Variants in CELSR1 observed in about 807,000 individuals in gnomAD.
CELSR1 encodes adhesion G protein-coupled receptor C1.
A neutral mutation model predicts 249.1 loss-of-function variants in CELSR1; 110 were observed. That is an observed-to-expected ratio of 0.44 (90% CI 0.38 to 0.52). The LOEUF (loss-of-function observed/expected upper bound fraction) is 0.52, where lower values mean the gene tolerates loss of function less well. Among genes scored for constraint, CELSR1 ranks in the 20% least tolerant of loss-of-function variants. The probability of loss-of-function intolerance (pLI) is 0.00; values close to 1 mark genes in which losing one functional copy is unlikely to be tolerated. For missense variants in CELSR1, 4,109 were observed against 4,296.4 expected (o/e 0.96, Z 1.22); for synonymous variants, 2,113 against 1,900.0 (o/e 1.11, Z -2.92).
In CELSR1 at chr22:46,536,176, G is replaced by A. The variant is rs2080853049; in HGVS notation, c.995C>T (p.Pro332Leu). Residue 332 changes from proline (P) to leucine (L), a missense_variant, in exon 1 of 35, where the codon CCG becomes CTG. Around this residue, in one of 7 missense-constraint regions of CELSR1, gnomAD observed 673 missense variants for 636.8 expected, o/e 1.06. Coordinates refer to ENST00000674500, the MANE Select transcript of CELSR1 (RefSeq NM_001378328.1). ...AGTGATGTAGGTGGTGGCCGAGCGC[G>A]GCGGCGTACTGTAGTCCACGGCTTT... ...RVKAVDYSTPPRSATTYITVL... is the reference protein window; with the variant it reads ...RVKAVDYSTPLRSATTYITVL... 6.2e-7 allele frequency: 1 copy of A among 1,612,854 alleles called. No homozygotes were observed. Among genetic ancestry groups the A allele is most frequent in the Non-Finnish European group, 8.5e-7 (1 of 1,180,002 alleles).
rs769047123 is a variant in CELSR1, at chr22:46,536,244, G to A, written c.927C>T (p.Ser309=). 1 of 1,612,180 alleles carries A rather than the reference G, an allele frequency of 6.2e-7. No homozygotes were observed. ...DSATGAVSTD[S]VLDRETKETH... ...TCTCCTTGGTCTCGCGGTCCAGTAC[G>A]CTGTCCGTGCTCACGGCGCCCGTGG... Residue 309 remains serine (S), a synonymous_variant, in exon 1 of 35, where the codon AGC becomes AGT. Coordinates refer to ENST00000674500, the MANE Select transcript of CELSR1 (RefSeq NM_001378328.1).
At position 46,535,295 on chromosome 22, in the gene CELSR1, G is replaced by A. The variant is rs1370354548; in HGVS notation, c.1876C>T (p.Pro626Ser). Residue 626 changes from proline (P) to serine (S), a missense_variant, in exon 1 of 35, where the codon CCT becomes TCT. Pro to Ser is a moderately conservative substitution (Grantham distance 74). Around this residue, in one of 7 missense-constraint regions of CELSR1, gnomAD observed 886 missense variants for 896.5 expected, o/e 0.99. Transcript: ENST00000674500. ...TTGTGGATCTGGAAGGGGAAGTCAG[G>A]GGTGGGGGCAGGATTCTTAGGCCCA... ...SAGPKNPAPTPDFPFQIHNSS... is the reference protein window; with the variant it reads ...SAGPKNPAPTSDFPFQIHNSS... 1 of 1,611,336 alleles carries A rather than the reference G, an allele frequency of 6.2e-7. No homozygotes were observed. The highest frequency in any genetic ancestry group is 8.5e-7 in the Non-Finnish European group (1 of 1,180,002).
At chr22:46,480,075 T>G (rs958743101) in intron 1 of CELSR1, among the ~76,000 whole-genome samples, 19 of 152,196 alleles carry the variant, frequency 1.2e-4, no homozygotes, top group Non-Finnish European at 2.5e-4. Context: ...AGCCAAATGC[T>G]CCTCTTCTAC....
chr22:46,520,964 GAATCATA>G (rs2080679170), intron 1 of CELSR1, among the ~76,000 whole-genome samples: 1 of 152,112 alleles, frequency 6.6e-6, no homozygotes, highest in Admixed American at 6.6e-5. Context: ...GACCTCAGTG[GAATCATA>G]CAGAATTTGT....
rs957015081 is a variant in CELSR1, at chr22:46,378,839, G to T, written c.7257-122C>A. Reference sequence around the variant, plus strand: ...CCATCCTGGCCAAACCAAACAGCAGGTGCCGTGAGTGCTGAAAGCCCAGCG... The same window carrying T: ...CCATCCTGGCCAAACCAAACAGCAGTTGCCGTGAGTGCTGAAAGCCCAGCG... On this transcript the variant is annotated intron_variant, in intron 22 of 34. Coordinates refer to ENST00000674500, the MANE Select transcript of CELSR1 (RefSeq NM_001378328.1). 1.7e-5 allele frequency: 21 copies of T among 1,262,518 alleles called. No individual in the cohort carries two copies. The East Asian group carries it at 4.8e-4, about 29-fold the overall frequency. 78.2% of individuals were successfully genotyped at this position (1,262,518 alleles called of 1,614,324 possible).
At chr22:46,499,255 C>A (rs571240247) in intron 1 of CELSR1, among the ~76,000 whole-genome samples, 71 of 151,610 alleles carry the variant, frequency 4.7e-4, no homozygotes, top group African/African-American at 1.7e-3. Context: ...TGCTAACCCC[C>A]ACACAGAAAC....
chr22:46,438,331 C>T (rs1331595098), intron 3 of CELSR1, among the ~76,000 whole-genome samples: 2 of 152,158 alleles, frequency 1.3e-5, no homozygotes, highest in Non-Finnish European at 2.9e-5. Context: ...TATGAAAGCA[C>T]CCACCTGAAA....
rs776725959 is a variant in CELSR1, at chr22:46,536,108, G to C, written c.1063C>G (p.Gln355Glu). The change falls in exon 1 of 35, where the codon CAG becomes GAG. Residue 355 changes from glutamine to glutamate, a missense_variant. Around this residue, in one of 7 missense-constraint regions of CELSR1, gnomAD observed 673 missense variants for 636.8 expected, o/e 1.06. Coordinates refer to ENST00000674500, the MANE Select transcript of CELSR1 (RefSeq NM_001378328.1). ...DTNDHSPVFE[Q>E]SEYRERVREN... ...CGCACGCGCTCGCGGTACTCCGACT[G>C]CTCGAAGACCGGGCTGTGGTCGTTG... 6 of 1,612,398 alleles carry C rather than the reference G, an allele frequency of 3.7e-6. No individual in the cohort carries two copies. The highest frequency in any genetic ancestry group is 3.4e-6 in the Non-Finnish European group (4 of 1,180,000).
chr22:46,407,946 G>A lies in CELSR1; in HGVS notation c.5226+1050C>T, dbSNP rs2079285145. On this transcript the variant is annotated intron_variant, in intron 9 of 34. Transcript: ENST00000674500. This position sits in a 1 kb window ranked among gnomAD's most constrained non-coding sequence, Gnocchi z 4.8. The stretch of plus-strand genomic sequence containing the variant: ...TTCAGATGCACAGGCAGAGGGGCAA[G>A]AGGGCAAGCCGAGGGCCGGGCACCC... 6.6e-6 allele frequency among the ~76,000 whole-genome samples: 1 copy of A among 152,226 alleles called. No individual in the cohort carries two copies. The highest frequency in any genetic ancestry group is 6.5e-5 in the Admixed American group (1 of 15,292).
intron 24 of CELSR1, 105 bp downstream of exon 24, chr22:46,376,956 G>C: frequency 9.0e-7 from 1 of 1,114,116 alleles, no homozygotes; most frequent in South Asian, 1.4e-5. Context: ...AGGTGGGGGT[G>C]GTGAGGAGGA....
Position 46,391,108 on chromosome 22 carries a change from T to C in CELSR1, c.6250+78A>G, listed in dbSNP as rs531916556. ...TATTTTTTCAACACGAAACATTCCA[T>C]GAGTCCCCACATCTCGACTGGCTCC... On this transcript the variant is annotated intron_variant, in intron 16 of 34. Transcript: ENST00000674500. The surrounding 1 kb of genome is among the most constrained non-coding windows in gnomAD (Gnocchi z 4.3). 13 of 1,165,676 alleles carry C rather than the reference T, an allele frequency of 1.1e-5. No individual in the cohort carries two copies. In the East Asian group the frequency reaches 1.4e-4, roughly 13 times the overall value. 72.2% of individuals were successfully genotyped at this position (1,165,676 alleles called of 1,614,324 possible).
chr22:46,456,949 T>G (rs2079962034), intron 2 of CELSR1, among the ~76,000 whole-genome samples: 2 of 151,406 alleles, frequency 1.3e-5, no homozygotes, highest in African/African-American at 4.9e-5. Flanking sequence ...CCTAGGGAGT[T>G]GGTACAAAGC....
At position 46,423,415 on chromosome 22, in the gene CELSR1, C is replaced by G. The variant is rs138820353; in HGVS notation, c.4611+9978G>C. Among the ~76,000 whole-genome samples the G allele has an allele frequency of 1.1e-3, 167 of 151,870 alleles. 2 individuals are homozygous for G. In the East Asian group the frequency reaches 0.03, roughly 27 times the overall value. The stretch of plus-strand genomic sequence containing the variant: ...CCTGAGGTCAGGAGTTCAAGACCAG[C>G]CTCAACATGGAGAAACCCCGTCTCT... On this transcript the variant is annotated intron_variant, in intron 5 of 34. Transcript: ENST00000674500. This position sits in a 1 kb window ranked among gnomAD's most constrained non-coding sequence, Gnocchi z 5.6.
At position 46,361,515 on chromosome 22, in the gene CELSR1, A is replaced by G. The variant is rs2078704198; in HGVS notation, c.*1708T>C. On this transcript the variant is annotated 3_prime_UTR_variant, in exon 35 of 35. Transcript: ENST00000674500. The stretch of plus-strand genomic sequence containing the variant: ...TTAAAAACCTTTTCGTACTTAGGAA[A>G]CGCCAGGGGCAAACGTTTAAAGGGA... 1 of 152,234 alleles carries G rather than the reference A, an allele frequency of 6.6e-6. No individual in the cohort carries two copies. The highest frequency in any genetic ancestry group is 2.4e-5 in the African/African-American group (1 of 41,456). 9.4% of individuals were successfully genotyped at this position (152,234 alleles called of 1,614,324 possible). A position where few individuals can be genotyped will look rare whatever the true frequency, so the allele number is the denominator to read the frequency against.
intron 24 of CELSR1, 103 bp downstream of exon 24, chr22:46,376,958 T>G: frequency 2.6e-6 from 3 of 1,156,528 alleles, no homozygotes; most frequent in Non-Finnish European, 3.7e-6. Context: ...GTGGGGGTGG[T>G]GAGGAGGAGC....
chr22:46,508,808 G>A (rs1267058921), intron 1 of CELSR1, among the ~76,000 whole-genome samples: 2 of 152,206 alleles, frequency 1.3e-5, no homozygotes, highest in Non-Finnish European at 2.9e-5. Flanking sequence ...CGTGAGAATG[G>A]TCTCTGAGAC....
At position 46,518,772 on chromosome 22, in the gene CELSR1, G is replaced by A. The variant is rs1034478589; in HGVS notation, c.3544+14855C>T. On this transcript the variant is annotated intron_variant, in intron 1 of 34. Coordinates refer to ENST00000674500, the MANE Select transcript of CELSR1 (RefSeq NM_001378328.1). The surrounding 1 kb of genome is among the most constrained non-coding windows in gnomAD (Gnocchi z 5.2). ...CAGTTGTGGCTGGGCGCGGTGGCTCGCCTGTAATCCAGCACTTTGGGAGGC... is the reference window on the plus strand; with the variant it reads ...CAGTTGTGGCTGGGCGCGGTGGCTCACCTGTAATCCAGCACTTTGGGAGGC... Among the ~76,000 whole-genome samples the A allele has an allele frequency of 1.8e-4, 28 of 152,122 alleles. No individual in the cohort carries two copies. The highest frequency in any genetic ancestry group is 1.4e-3 in the Admixed American group (21 of 15,288).
chr22:46,442,064 C>T (rs1206020307), intron 2 of CELSR1, among the ~76,000 whole-genome samples: 1 of 152,186 alleles, frequency 6.6e-6, no homozygotes, highest in East Asian at 1.9e-4. Context: ...AGGAGAATTG[C>T]TTAAATCTGG....
intron 14 of CELSR1, among the ~76,000 whole-genome samples, chr22:46,392,721 T>C (rs960290002): frequency 2.0e-5 from 3 of 151,976 alleles, no homozygotes; most frequent in African/African-American, 7.3e-5. Context: ...CACGCTCAGC[T>C]AATGTTTTTA....
Sources: allele counts gnomAD v4.1 joint callset (sites outside exome capture counted in the v4.1 genomes callset), GRCh38; gene constraint gnomAD v4.1.1; regional missense constraint gnomAD v4.1.1; non-coding constraint Gnocchi (gnomAD v3.1); transcripts MANE v1.5; gene names NCBI Gene and HGNC (gene_info 2026-07-23, HGNC 2026-07-21).